EEFSEC: variants seen among roughly 807,000 people sequenced by gnomAD.
EEFSEC encodes the protein eukaryotic elongation factor, selenocysteine-tRNA specific, also known as selenocysteine-specific elongation factor.
In EEFSEC, 43 loss-of-function variants were observed where a neutral mutation model predicts 42.1. The observed-to-expected ratio is 1.02, with a 90% confidence interval of 0.80 to 1.32. EEFSEC has a LOEUF of 1.32. Ranked by LOEUF, EEFSEC falls within the 40% of genes most tolerant of loss-of-function variation. The pLI is 0.00. For missense variants in EEFSEC, 745 were observed against 803.6 expected (o/e 0.93, Z 0.88); for synonymous variants, 354 against 339.1 (o/e 1.04, Z -0.48).
intron 6 of EEFSEC, among the ~76,000 whole-genome samples, chr3:128,403,921 C>T (rs929229251): frequency 6.6e-6 from 1 of 152,218 alleles, no homozygotes; most frequent in Non-Finnish European, 1.5e-5. Flanking sequence ...ACTGTCTGTG[C>T]CTTCTTAGAT....
At chr3:128,334,207 G>A (rs768009534) in intron 4 of EEFSEC, among the ~76,000 whole-genome samples, 4 of 152,218 alleles carry the variant, frequency 2.6e-5, no homozygotes, top group Non-Finnish European at 4.4e-5. Context: ...TTTCTCACCC[G>A]AGAAAGGGGG....
chr3:128,339,808 G>C (rs528923740), intron 4 of EEFSEC, among the ~76,000 whole-genome samples: 170 of 152,274 alleles, frequency 1.1e-3, no homozygotes, highest in African/African-American at 2.8e-3. Flanking sequence ...ACAGTTCTGC[G>C]TGGCTGAGGA....
intron 5 of EEFSEC, among the ~76,000 whole-genome samples, chr3:128,356,949 G>T (rs1163613192): frequency 6.6e-6 from 1 of 152,268 alleles, no homozygotes; most frequent in South Asian, 2.1e-4. Flanking sequence ...TTTTGCTGCT[G>T]CAGTGAGTGA....
At chr3:128,224,721 T>A (rs1284311109) in intron 1 of EEFSEC, among the ~76,000 whole-genome samples, 1 of 152,256 alleles carries the variant, frequency 6.6e-6, no homozygotes, top group Non-Finnish European at 1.5e-5. Flanking sequence ...TTTTCTTGCG[T>A]AAATCAATGT....
intron 1 of EEFSEC, among the ~76,000 whole-genome samples, chr3:128,157,454 T>C (rs987155814): frequency 4.6e-5 from 7 of 152,190 alleles, no homozygotes; most frequent in Admixed American, 3.3e-4. Flanking sequence ...TGTAGGACTT[T>C]CATAGCTACA....
At chr3:128,302,857 C>A (rs749574735) in intron 4 of EEFSEC, among the ~76,000 whole-genome samples, 10 of 152,138 alleles carry the variant, frequency 6.6e-5, no homozygotes, top group Non-Finnish European at 1.3e-4. Context: ...TGTGATCTTA[C>A]AAATATTTCT....
chr3:128,355,833 C>T (rs953002111), intron 5 of EEFSEC, among the ~76,000 whole-genome samples: 1 of 152,182 alleles, frequency 6.6e-6, no homozygotes, highest in Non-Finnish European at 1.5e-5. Flanking sequence ...AGGTCAAAGG[C>T]ATAACGTCAG....
At chr3:128,369,057 C>T (rs1481237575) in intron 6 of EEFSEC, among the ~76,000 whole-genome samples, 2 of 152,248 alleles carry the variant, frequency 1.3e-5, no homozygotes, top group Non-Finnish European at 2.9e-5. Context: ...GTCTCTTCCT[C>T]CTGCTGCAGC....
At chr3:128,252,713 A>AG (rs2066200346) in intron 2 of EEFSEC, among the ~76,000 whole-genome samples, 2 of 152,226 alleles carry the variant, frequency 1.3e-5, no homozygotes. Flanking sequence ...ATATGTATAT[A>AG]CACACACATA....
At chr3:128,411,618 C>T (rs1027969981), downstream of EEFSEC, among the ~76,000 whole-genome samples, 3 of 152,198 alleles carry the variant, frequency 2.0e-5, no homozygotes, top group Non-Finnish European at 2.9e-5. Context: ...GGTCATGGAC[C>T]GACATCCTGC....
At chr3:128,272,025 A>G (rs1307844581) in intron 4 of EEFSEC, among the ~76,000 whole-genome samples, 1 of 152,142 alleles carries the variant, frequency 6.6e-6, no homozygotes, top group African/African-American at 2.4e-5. Context: ...CCCAACTTCA[A>G]TTGCCTTAAG....
At chr3:128,347,838 T>C (rs1436421532) in intron 5 of EEFSEC, among the ~76,000 whole-genome samples, 1 of 152,140 alleles carries the variant, frequency 6.6e-6, no homozygotes, top group African/African-American at 2.4e-5. Flanking sequence ...AATGATAGGG[T>C]GGCACTTCAG....
chr3:128,388,599 T>C (rs1255301693), intron 6 of EEFSEC, among the ~76,000 whole-genome samples: 3 of 152,242 alleles, frequency 2.0e-5, no homozygotes, highest in Non-Finnish European at 4.4e-5. Context: ...CCGAGCCTCC[T>C]GAGTTTGCTG....
chr3:128,236,596 A>G, intron 1 of EEFSEC, among the ~76,000 whole-genome samples: 1 of 152,188 alleles, frequency 6.6e-6, no homozygotes, highest in East Asian at 1.9e-4. Context: ...TTTTGTTACT[A>G]GTAAGGTGTG....
At chr3:128,193,987 G>A (rs1414111839) in intron 1 of EEFSEC, among the ~76,000 whole-genome samples, 2 of 102,298 alleles carry the variant, frequency 2.0e-5, no homozygotes, top group Non-Finnish European at 3.6e-5. Context: ...GGGATAGAGG[G>A]AAGACCATCT....
chr3:128,292,129 T>C (rs1284215929), intron 4 of EEFSEC, among the ~76,000 whole-genome samples: 2 of 152,170 alleles, frequency 1.3e-5, no homozygotes, highest in Non-Finnish European at 2.9e-5. Context: ...CATATATTGA[T>C]TTTTGAATGT....
chr3:128,402,837 G>A (rs72977392), intron 6 of EEFSEC, among the ~76,000 whole-genome samples: 132 of 152,258 alleles, frequency 8.7e-4, no homozygotes, highest in African/African-American at 3.1e-3. Context: ...CTCCTCCAAC[G>A]CTTATTTGGA....
At chr3:128,246,207 G>A (rs1488977651) in intron 1 of EEFSEC, among the ~76,000 whole-genome samples, 1 of 146,940 alleles carries the variant, frequency 6.8e-6, no homozygotes, top group Non-Finnish European at 1.5e-5. Flanking sequence ...CTGTACAGTA[G>A]GATGATGCTC....
intron 4 of EEFSEC, among the ~76,000 whole-genome samples, chr3:128,327,421 A>T (rs1009388883): frequency 1.3e-5 from 2 of 152,054 alleles, no homozygotes; most frequent in African/African-American, 4.8e-5. Context: ...ATGAAATATG[A>T]ATACACATCA....
Sources: gnomAD v4.1 joint callset for allele counts (sites outside exome capture counted in the v4.1 genomes callset) on GRCh38, gnomAD v4.1.1 for gene constraint, MANE v1.5 for transcripts, NCBI Gene and HGNC (gene_info 2026-07-23, HGNC 2026-07-21) for gene names.